KCNMA1: variants seen among roughly 807,000 people sequenced by gnomAD.
KCNMA1 encodes the protein potassium calcium-activated channel subfamily M alpha 1, also known as Calcium-activated potassium channel subunit alpha-1.
KCNMA1 carries 29 observed loss-of-function variants against 140.0 expected under a neutral mutation model. That is an observed-to-expected ratio of 0.21 (90% CI 0.15 to 0.28). The LOEUF is 0.28. KCNMA1 is among the 10% of genes least tolerant of loss of function. The probability of loss-of-function intolerance (pLI) is 1.00; values close to 1 mark genes in which losing one functional copy is unlikely to be tolerated. For missense variants in KCNMA1, 880 were observed against 1,602.2 expected (o/e 0.55, Z 7.70); for synonymous variants, 612 against 611.9 (o/e 1.00, Z 0.00).
chr10:77,431,681 TAA>T (rs71028276), intron 1 of KCNMA1, among the ~76,000 whole-genome samples: 1,908 of 74,592 alleles, frequency 0.026, 14 homozygotes, highest in Non-Finnish European at 0.037. Context: ...TGGTCTGTTG[TAA>T]AAAAAAAAAA....
intron 2 of KCNMA1, among the ~76,000 whole-genome samples, chr10:77,290,600 G>A (rs1437539674): frequency 1.3e-5 from 2 of 152,164 alleles, no homozygotes; most frequent in African/African-American, 4.8e-5. Context: ...GGAGTTAGAT[G>A]TTTTCCTTCA....
rs77992880 is a variant in KCNMA1, at chr10:77,524,315, G to A, written c.378+112950C>T. On this transcript the variant is annotated intron_variant, in intron 1 of 27. Transcript: ENST00000286628. ...ATGTGAGATGTCGAAGGAGAACGTG[G>A]AATGCCTAAGTAATAAAACAGACAC... Among the ~76,000 whole-genome samples, 1,506 of 152,212 alleles carry A rather than the reference G, an allele frequency of 9.9e-3. 31 individuals carry two copies. The highest frequency in any genetic ancestry group is 0.034 in the African/African-American group (1,406 of 41,540).
At chr10:77,197,341 T>G (rs1024112711) in intron 3 of KCNMA1, among the ~76,000 whole-genome samples, 2 of 152,246 alleles carry the variant, frequency 1.3e-5, no homozygotes, top group Non-Finnish European at 2.9e-5. Context: ...CCTGGTCACT[T>G]GGTGCACACC....
Position 77,184,784 on chromosome 10 carries a change from C to T in KCNMA1, c.696+39G>A, listed in dbSNP as rs777419867. The T allele has an allele frequency of 3.2e-6, 4 of 1,243,104 alleles. No homozygotes were observed. The African/African-American group carries it at 6.0e-5, about 19-fold the overall frequency. The allele number at this position is 1,243,104 out of a possible 1,614,324, so 77.0% of individuals were successfully genotyped here. A position where few individuals can be genotyped will look rare whatever the true frequency, so the allele number is the denominator to read the frequency against. On this transcript the variant is annotated intron_variant, in intron 4 of 27. Transcript: ENST00000286628. ...ATGATCCCTGGGTCCCAGACTGAAA[C>T]ACCCCATTGTGATACTGAACAATGT...
At chr10:77,353,822 G>A (rs1281823682) in intron 2 of KCNMA1, among the ~76,000 whole-genome samples, 1 of 152,162 alleles carries the variant, frequency 6.6e-6, no homozygotes, top group East Asian at 1.9e-4. Context: ...AGAACTCAGG[G>A]ATTATTTCTT....
intron 1 of KCNMA1, among the ~76,000 whole-genome samples, chr10:77,464,457 TAA>T (rs5786289): frequency 6.8e-5 from 10 of 147,044 alleles, no homozygotes; most frequent in African/African-American, 9.9e-5. Flanking sequence ...ATCTCTCCAT[TAA>T]AAAAAAAAAA....
intron 1 of KCNMA1, among the ~76,000 whole-genome samples, chr10:77,619,876 C>T (rs934255658): frequency 3.3e-5 from 5 of 152,174 alleles, no homozygotes; most frequent in Non-Finnish European, 5.9e-5. Flanking sequence ...GCGGCATTCC[C>T]AGCAAGATGA....
intron 1 of KCNMA1, among the ~76,000 whole-genome samples, chr10:77,632,340 A>G (rs2093313395): frequency 6.6e-6 from 1 of 152,150 alleles, no homozygotes. Flanking sequence ...ATCACTTGGG[A>G]GACAGGTCTA....
rs189251760 is a variant in KCNMA1 at position 77,584,074 on chromosome 10, G to A, written c.378+53191C>T. On this transcript the variant is annotated intron_variant, in intron 1 of 27. Transcript: ENST00000286628. The stretch of plus-strand genomic sequence containing the variant: ...TCACGCATTACTAAGGATCTGATTT[G>A]GTGGCAATTTGTTGATTTCTTCAGT... Among the ~76,000 whole-genome samples the A allele has an allele frequency of 3.0e-4, 45 of 152,234 alleles. No homozygotes were observed. The East Asian group carries it at 8.3e-3, about 28-fold the overall frequency.
chr10:77,222,899 T>C (rs1383332657), intron 3 of KCNMA1, among the ~76,000 whole-genome samples: 3 of 152,234 alleles, frequency 2.0e-5, no homozygotes, highest in South Asian at 2.1e-4. Flanking sequence ...TTTAACTGCA[T>C]TGAAATCATT....
At chr10:77,153,073 A>G (rs1162327389) in intron 5 of KCNMA1, among the ~76,000 whole-genome samples, 2 of 152,146 alleles carry the variant, frequency 1.3e-5, no homozygotes, top group Non-Finnish European at 2.9e-5. Context: ...TAGCCTTGGA[A>G]ACTGACAATG....
At chr10:77,451,527 T>C (rs2097659678) in intron 1 of KCNMA1, among the ~76,000 whole-genome samples, 1 of 152,200 alleles carries the variant, frequency 6.6e-6, no homozygotes, top group African/African-American at 2.4e-5. Flanking sequence ...TACAGAGGTA[T>C]GAATACAGGG....
chr10:77,632,366 G>A (rs1192622177), intron 1 of KCNMA1, among the ~76,000 whole-genome samples: 1 of 152,084 alleles, frequency 6.6e-6, no homozygotes, highest in African/African-American at 2.4e-5. Flanking sequence ...TCTGGACTTG[G>A]GATAACAGGG....
chr10:77,483,856 A>G (rs1704382019), intron 1 of KCNMA1, among the ~76,000 whole-genome samples: 1 of 152,218 alleles, frequency 6.6e-6, no homozygotes, highest in African/African-American at 2.4e-5. Context: ...AGCAATTCTC[A>G]TCGTGACAAA....
At chr10:77,389,324 C>A (rs1199336470) in intron 2 of KCNMA1, among the ~76,000 whole-genome samples, 4 of 152,180 alleles carry the variant, frequency 2.6e-5, no homozygotes, top group African/African-American at 7.2e-5. Context: ...ATCCTCAGCC[C>A]CTCCTGGGGG....
intron 2 of KCNMA1, among the ~76,000 whole-genome samples, chr10:77,329,281 G>A (rs2085419377): frequency 6.6e-6 from 1 of 152,140 alleles, no homozygotes; most frequent in Non-Finnish European, 1.5e-5. Flanking sequence ...TGGTCTGAAT[G>A]TTTTGTCCCC....
chr10:77,577,131 T>A (rs1259369426), intron 1 of KCNMA1, among the ~76,000 whole-genome samples: 2 of 150,980 alleles, frequency 1.3e-5, no homozygotes, highest in African/African-American at 4.9e-5. Context: ...CACTGCAACC[T>A]CTGCCTCCCG....
intron 1 of KCNMA1, among the ~76,000 whole-genome samples, chr10:77,581,336 G>C (rs1284780678): frequency 6.6e-6 from 1 of 150,376 alleles, no homozygotes; most frequent in African/African-American, 2.5e-5. Context: ...TTGAGACAGA[G>C]TCTCGCTCTG....
chr10:76,941,160 A>C (rs1234739465), intron 23 of KCNMA1, among the ~76,000 whole-genome samples: 1 of 73,000 alleles, frequency 1.4e-5, no homozygotes, highest in Admixed American at 1.3e-4. Flanking sequence ...GAAGGGAGGG[A>C]AGGGAAGGAA....
Sources: allele counts gnomAD v4.1 joint callset (sites outside exome capture counted in the v4.1 genomes callset), GRCh38; gene constraint gnomAD v4.1.1; transcripts MANE v1.5; gene names NCBI Gene and HGNC (gene_info 2026-07-23, HGNC 2026-07-21).